The following TIA1 variants were observed in gnomAD, a reference collection of about 807,000 sequenced individuals.
TIA1 encodes the protein TIA1 cytotoxic granule associated RNA binding protein, also known as cytotoxic granule associated RNA binding protein TIA1.
TIA1 carries 23 observed loss-of-function variants against 65.9 expected under a neutral mutation model. The observed-to-expected ratio is 0.35, with a 90% CI of 0.25 to 0.49. The LOEUF (loss-of-function observed/expected upper bound fraction) is 0.49. Among genes scored for constraint, TIA1 ranks in the 20% least tolerant of loss-of-function variants. TIA1 has a pLI of 0.98. For synonymous variants in TIA1, 147 were observed against 149.4 expected, an observed-to-expected ratio of 0.98 and a Z score of 0.12; for missense variants, 371 against 477.9, an observed-to-expected ratio of 0.78 and a Z score of 2.09.
At chr2:70,233,807 A>C (rs975881122) in intron 2 of TIA1, among the ~76,000 whole-genome samples, 1 of 152,178 alleles carries the variant, frequency 6.6e-6, no homozygotes, top group African/African-American at 2.4e-5. Context: ...AAGAGTAAAT[A>C]AATGAAAAAG....
upstream of TIA1, chr2:70,248,640 C>T (rs1695610930): frequency 1.5e-6 from 1 of 666,558 alleles, no homozygotes; most frequent in South Asian, 1.9e-5. Flanking sequence ...AGCCGGGAGC[C>T]TAGGAGCAGC....
chr2:70,235,931 G>A, intron 2 of TIA1, 148 bp downstream of exon 2: 1 of 458,496 alleles, frequency 2.2e-6, no homozygotes, highest in Non-Finnish European at 3.8e-6. Flanking sequence ...CTTAGAATAT[G>A]GTAAACTAAG....
chr2:70,229,013 T>C, intron 5 of TIA1, 46 bp downstream of exon 5: 1 of 1,413,404 alleles, frequency 7.1e-7, no homozygotes, highest in Non-Finnish European at 9.5e-7. Flanking sequence ...GGTTAGTGAA[T>C]ACCCTTTCAA....
intron 6 of TIA1, among the ~76,000 whole-genome samples, chr2:70,227,225 A>G (rs925897590): frequency 7.9e-5 from 12 of 152,306 alleles, no homozygotes; most frequent in Admixed American, 3.9e-4. Flanking sequence ...CAAGCAAGGC[A>G]GTGCTTCATA....
At chr2:70,215,987 G>A (rs891594004) in intron 10 of TIA1, 5 of 490,596 alleles carry the variant, frequency 1.0e-5, no homozygotes, top group Admixed American at 4.0e-5. Context: ...AACTCATGAC[G>A]GTGATCCACC....
chr2:70,239,450 C>T (rs950480895), intron 1 of TIA1, among the ~76,000 whole-genome samples: 5 of 152,092 alleles, frequency 3.3e-5, no homozygotes, highest in African/African-American at 9.7e-5. Flanking sequence ...TACCTCTAGT[C>T]ATTTTACAGA....
At chr2:70,224,010 T>C (rs1398640310) in intron 7 of TIA1, among the ~76,000 whole-genome samples, 2 of 152,138 alleles carry the variant, frequency 1.3e-5, no homozygotes, top group African/African-American at 4.8e-5. Context: ...CTGTGCCTCC[T>C]GGGTTCAAGT....
chr2:70,222,648 G>A (rs113863696), intron 7 of TIA1, among the ~76,000 whole-genome samples: 9,335 of 152,248 alleles, frequency 0.061, 359 homozygotes, highest in East Asian at 0.18. Flanking sequence ...GGGCGCAGTG[G>A]CTCACGCCTG....
chr2:70,232,477 T>C (rs1243902918), intron 2 of TIA1, among the ~76,000 whole-genome samples: 8 of 116,530 alleles, frequency 6.9e-5, no homozygotes, highest in African/African-American at 2.7e-4. Flanking sequence ...GAGGCGAAGG[T>C]TGTGGTGAGC....
chr2:70,219,824 C>T (rs1008549879), intron 7 of TIA1, among the ~76,000 whole-genome samples: 1 of 150,010 alleles, frequency 6.7e-6, no homozygotes, highest in African/African-American at 2.5e-5. Flanking sequence ...CAGTCCTCCT[C>T]CTGCCTTGGC....
intron 1 of TIA1, among the ~76,000 whole-genome samples, chr2:70,239,385 C>T (rs1349842502): frequency 6.6e-6 from 1 of 152,244 alleles, no homozygotes; most frequent in East Asian, 1.9e-4. Context: ...AGCCACTGCG[C>T]CCGGCCAATA....
At chr2:70,228,837 TC>T in intron 5 of TIA1, 1 of 1,419,074 alleles carries the variant, frequency 7.0e-7, no homozygotes, top group Non-Finnish European at 9.2e-7. Context: ...TTCTAAGGCA[TC>T]AGCTGCTACC....
In TIA1 at chr2:70,224,747, A is replaced by C; in HGVS notation, c.399-118T>G. The C allele has an allele frequency of 2.1e-6, 3 of 1,453,070 alleles. No homozygotes were observed. In the South Asian group the frequency reaches 4.5e-5, roughly 22 times the overall value. The allele number at this position is 1,453,070 out of a possible 1,614,324, so 90.0% of individuals were successfully genotyped here. On this transcript the variant is annotated intron_variant, in intron 6 of 12. Transcript: ENST00000433529. Reference sequence around the variant, plus strand: ...CTTCATTAAAGTGAACCTTTAATGCAAATTCACCTTTTATTCTACAAAATT... The same window carrying C: ...CTTCATTAAAGTGAACCTTTAATGCCAATTCACCTTTTATTCTACAAAATT...
chr2:70,248,282 G>C, intron 1 of TIA1, 123 bp downstream of exon 1: 4 of 1,191,604 alleles, frequency 3.4e-6, no homozygotes, highest in South Asian at 1.6e-5. Flanking sequence ...TGCATGCTAA[G>C]GAAACAAAAA....
intron 4 of TIA1, 58 bp from the exon 5 acceptor site, chr2:70,229,149 A>C (rs1438328020): frequency 3.9e-5 from 63 of 1,607,736 alleles, no homozygotes; most frequent in Middle Eastern, 3.3e-4. Context: ...ATTCAATCAT[A>C]TCTTAGGATA....
In TIA1 at chr2:70,215,470, T is replaced by C; in HGVS notation, c.789A>G (p.Ala263=). Residue 263 remains alanine (A), a synonymous_variant, in exon 11 of 13, where the codon GCA becomes GCG. Coordinates refer to ENST00000433529, the MANE Select transcript of TIA1 (RefSeq NM_022173.4). ...FVRFNSHESA[A]HAIVSVNGTT... ...TACCATTAACAGAAACAATTGCATG[T>C]GCTGCACTTTCATGGGAATTGAACC... 6.2e-7 allele frequency: 1 copy of C among 1,613,700 alleles called. No homozygotes were observed. Among genetic ancestry groups the C allele is most frequent in the African/African-American group, 1.3e-5 (1 of 75,074 alleles).
At chr2:70,223,400 C>T (rs777831859) in intron 7 of TIA1, among the ~76,000 whole-genome samples, 2 of 151,920 alleles carry the variant, frequency 1.3e-5, no homozygotes, top group Non-Finnish European at 2.9e-5. Flanking sequence ...ATTGTTTTCA[C>T]CTCTCAATGT....
At chr2:70,239,115 CG>C (rs1191220542) in intron 1 of TIA1, among the ~76,000 whole-genome samples, 1 of 152,100 alleles carries the variant, frequency 6.6e-6, no homozygotes, top group Non-Finnish European at 1.5e-5. Flanking sequence ...TATTTAGAGA[CG>C]GAGTCTTGCT....
rs1178799813 is a variant in TIA1, at chr2:70,209,738, A to G, written c.*2981T>C. ...TGAGAGAAAAAAACTGATTTTTTTT[A>G]AAGAAATCATCACTCTCATTTGAAA... On this transcript the variant is annotated 3_prime_UTR_variant, in exon 13 of 13. Transcript: ENST00000433529. 4 of 398,296 alleles carry G rather than the reference A, an allele frequency of 1.0e-5. No homozygotes were observed. The highest frequency in any genetic ancestry group is 1.8e-5 in the Non-Finnish European group (4 of 225,918). The allele number at this position is 398,296 out of a possible 1,614,324, so 24.7% of individuals were successfully genotyped here. A position where few individuals can be genotyped will look rare whatever the true frequency, so the allele number is the denominator to read the frequency against.
Sources: gnomAD v4.1 joint callset for allele counts (sites outside exome capture counted in the v4.1 genomes callset) on GRCh38, gnomAD v4.1.1 for gene constraint, MANE v1.5 for transcripts, NCBI Gene and HGNC (gene_info 2026-07-23, HGNC 2026-07-21) for gene names.